The following HDAC9 variants were observed in gnomAD, a reference collection of about 807,000 sequenced individuals.
The protein encoded by HDAC9 is histone deacetylase 9.
A neutral mutation model predicts 139.4 loss-of-function variants in HDAC9; 41 were observed. That is an observed-to-expected ratio of 0.29 (90% CI 0.23 to 0.38). The LOEUF (loss-of-function observed/expected upper bound fraction) is 0.38, where lower values mean the gene tolerates loss of function less well. Ranked by LOEUF, HDAC9 falls within the 10% of genes least tolerant of loss-of-function variation. The pLI is 1.00. For missense variants in HDAC9, 1,147 were observed against 1,297.0 expected, an observed-to-expected ratio of 0.88 and a Z score of 1.78; for synonymous variants, 517 against 476.2, an observed-to-expected ratio of 1.09 and a Z score of -1.12.
intron 6 of HDAC9, among the ~76,000 whole-genome samples, chr7:18,610,447 A>G (rs182272920): frequency 1.4e-4 from 22 of 152,228 alleles, no homozygotes; most frequent in Admixed American, 1.0e-3. Context: ...CAGTTTAACA[A>G]CGATAGCAAA....
intron 12 of HDAC9, among the ~76,000 whole-genome samples, chr7:18,700,948 A>G (rs1031446734): frequency 6.6e-6 from 1 of 152,140 alleles, no homozygotes; most frequent in African/African-American, 2.4e-5. Flanking sequence ...GAGCTACTTA[A>G]AAGCTTGTGT....
chr7:18,145,919 G>C (rs559609477), intron 1 of HDAC9, among the ~76,000 whole-genome samples: 1 of 152,216 alleles, frequency 6.6e-6, no homozygotes, highest in East Asian at 1.9e-4. Flanking sequence ...CAAATTTAGG[G>C]CAGAACAGAA....
chr7:18,255,062 T>C (rs1484199244), intron 2 of HDAC9, among the ~76,000 whole-genome samples: 1 of 152,232 alleles, frequency 6.6e-6, no homozygotes, highest in Non-Finnish European at 1.5e-5. Flanking sequence ...AACCCTTTTT[T>C]ATTTATATCA....
intron 16 of HDAC9, among the ~76,000 whole-genome samples, chr7:18,781,496 G>T (rs115528558): frequency 0.011 from 1,616 of 152,116 alleles, 21 homozygotes; most frequent in African/African-American, 0.03. Context: ...CACCTAGTAG[G>T]TGCCCCAATC....
chr7:18,537,526 C>CT (rs566494381), intron 2 of HDAC9, among the ~76,000 whole-genome samples: 3,221 of 147,332 alleles, frequency 0.022, 31 homozygotes, highest in Admixed American at 0.027. Context: ...AAAGCAGAAA[C>CT]TTTTTTTTTT....
At chr7:18,858,986 G>A (rs1007638012) in intron 21 of HDAC9, among the ~76,000 whole-genome samples, 1 of 152,116 alleles carries the variant, frequency 6.6e-6, no homozygotes, top group Admixed American at 6.6e-5. Flanking sequence ...CAAAAATGCA[G>A]TTAAAAGGCA....
chr7:18,687,485 T>C (rs931417026), intron 12 of HDAC9, among the ~76,000 whole-genome samples: 1 of 151,888 alleles, frequency 6.6e-6, no homozygotes, highest in Non-Finnish European at 1.5e-5. Flanking sequence ...AATGTCTATA[T>C]TGGGATAAAT....
chr7:18,201,975 T>C (rs185538024), intron 2 of HDAC9, among the ~76,000 whole-genome samples: 4 of 152,332 alleles, frequency 2.6e-5, no homozygotes, highest in Admixed American at 2.0e-4. Context: ...AGATGAATAA[T>C]TTTTCCTGTT....
chr7:18,324,104 C>T (rs1251168066), intron 1 of HDAC9, among the ~76,000 whole-genome samples: 1 of 151,976 alleles, frequency 6.6e-6, no homozygotes, highest in Non-Finnish European at 1.5e-5. Context: ...GAAGCTTCAA[C>T]ATATGAATGC....
intron 1 of HDAC9, among the ~76,000 whole-genome samples, chr7:18,431,390 A>C (rs1790647008): frequency 6.6e-6 from 1 of 152,194 alleles, no homozygotes; most frequent in Non-Finnish European, 1.5e-5. Context: ...AGAACTAGGG[A>C]AACGACTGCC....
rs191464224 is a variant in HDAC9 at position 18,896,869 on chromosome 7, A to G, written c.2803+22273A>G. On this transcript the variant is annotated intron_variant, in intron 22 of 25. Coordinates refer to ENST00000686413, the MANE Select transcript of HDAC9 (RefSeq NM_178425.4). ...TTCCACTGTTGAAACTTTTACTACAATGGGTATCTATGGAGAAATAGTGAA... is the reference window on the plus strand; with the variant it reads ...TTCCACTGTTGAAACTTTTACTACAGTGGGTATCTATGGAGAAATAGTGAA... Among the ~76,000 whole-genome samples, 58 of 152,128 alleles carry G rather than the reference A, an allele frequency of 3.8e-4. 1 individual carries two copies. In the East Asian group the frequency reaches 9.9e-3, roughly 26 times the overall value.
At chr7:18,784,789 G>A (rs73317485) in intron 16 of HDAC9, among the ~76,000 whole-genome samples, 200 of 152,148 alleles carry the variant, frequency 1.3e-3, no homozygotes, top group African/African-American at 4.5e-3. Flanking sequence ...CAGAATCAGT[G>A]CCCACATATA....
At chr7:18,976,059 C>T (rs1784528786) in intron 25 of HDAC9, 106 bp downstream of exon 25, 3 of 1,160,360 alleles carry the variant, frequency 2.6e-6, no homozygotes, top group Non-Finnish European at 3.7e-6. Context: ...TCCTCCACTT[C>T]CACCACCTGT....
intron 6 of HDAC9, among the ~76,000 whole-genome samples, chr7:18,612,708 A>G (rs908840063): frequency 3.3e-5 from 5 of 152,110 alleles, no homozygotes; most frequent in African/African-American, 1.2e-4. Flanking sequence ...GATAATCCAG[A>G]TATAGTGTTG....
At position 18,154,688 on chromosome 7, in the gene HDAC9, C is replaced by G. The variant is rs182970871; in HGVS notation, c.-96-7541C>G. 1.2e-3 allele frequency among the ~76,000 whole-genome samples: 177 copies of G among 152,250 alleles called. 1 individual carries two copies. Among genetic ancestry groups the G allele is most frequent in the African/African-American group, 3.9e-3 (162 of 41,546 alleles). ...CTCAACGTGGGGATTATCAGATCTT[C>G]AAGAGTTGAGTTGCAGCATTAAAGA... On this transcript the variant is annotated intron_variant, in intron 1 of 12. Coordinates refer to the HDAC9 transcript ENST00000417496.
chr7:18,568,532 G>C (rs543428244), intron 2 of HDAC9, among the ~76,000 whole-genome samples: 1 of 152,146 alleles, frequency 6.6e-6, no homozygotes, highest in African/African-American at 2.4e-5. Flanking sequence ...AGTTGACTGC[G>C]TATTGTGAAG....
intron 2 of HDAC9, among the ~76,000 whole-genome samples, chr7:18,576,763 A>AT (rs915559371): frequency 1.3e-5 from 2 of 152,120 alleles, no homozygotes; most frequent in African/African-American, 2.4e-5. Flanking sequence ...GTCTGCAATG[A>AT]TAAAAAAAAA....
intron 1 of HDAC9, among the ~76,000 whole-genome samples, chr7:18,124,010 G>A (rs562679299): frequency 1.3e-5 from 2 of 152,238 alleles, no homozygotes; most frequent in South Asian, 2.1e-4. Context: ...TTTCCCAGAA[G>A]CCCCACCTCC....
chr7:18,168,893 T>TG (rs1170116015), intron 2 of HDAC9, among the ~76,000 whole-genome samples: 236 of 116,780 alleles, frequency 2.0e-3, no homozygotes, highest in African/African-American at 7.4e-3. Flanking sequence ...TTTTTTTTTT[T>TG]TTTTTGTGTG....
Sources: allele counts gnomAD v4.1 joint callset (sites outside exome capture counted in the v4.1 genomes callset), GRCh38; gene constraint gnomAD v4.1.1; transcripts MANE v1.5; gene names NCBI Gene and HGNC (gene_info 2026-07-23, HGNC 2026-07-21).